Variants in C14orf39 observed in about 807,000 individuals in gnomAD.
C14orf39 encodes chromosome 14 open reading frame 39.
Under a neutral mutation model 85.6 loss-of-function variants are expected in C14orf39, and 66 were observed. The ratio of observed to expected loss-of-function variants is 0.77; its 90% CI spans 0.63 to 0.95. C14orf39 has a LOEUF of 0.95. Among genes scored for constraint, C14orf39 ranks in the 40% least tolerant of loss-of-function variants. The pLI, the probability that C14orf39 is intolerant of heterozygous loss-of-function variation, is 0.00. For missense variants in C14orf39, 735 were observed against 663.9 expected, an observed-to-expected ratio of 1.11 and a Z score of -1.18; for synonymous variants, 242 against 214.0, an observed-to-expected ratio of 1.13 and a Z score of -1.14.
chr14:60,447,399 C>T (rs1016378592), intron 16 of C14orf39, among the ~76,000 whole-genome samples: 1 of 152,070 alleles, frequency 6.6e-6, no homozygotes, highest in Non-Finnish European at 1.5e-5. Context: ...TCCTATACAC[C>T]AATAACAGAC....
rs374743728 is a variant in C14orf39, at chr14:60,484,306, TTAAAA to T, written c.107-494_107-490del. Among the ~76,000 whole-genome samples, 559 of 152,302 alleles carry T rather than the reference TTAAAA, an allele frequency of 3.7e-3. 4 individuals carry two copies. Among genetic ancestry groups the T allele is most frequent in the African/African-American group, 0.013 (538 of 41,596 alleles). ...AAATGGACATAATTTCTTAAAAAGA[TTAAAA>T]TAAATTCTTAATATTCTGTATTCTT... On this transcript the variant is annotated intron_variant, in intron 3 of 17. Coordinates refer to ENST00000321731, the MANE Select transcript of C14orf39 (RefSeq NM_174978.3). This position sits in a 1 kb window ranked among gnomAD's most constrained non-coding sequence, Gnocchi z 4.2.
At chr14:60,468,091 A>G (rs1483354005) in intron 9 of C14orf39, among the ~76,000 whole-genome samples, 1 of 151,692 alleles carries the variant, frequency 6.6e-6, no homozygotes, top group Non-Finnish European at 1.5e-5. Context: ...GGGTGATAAA[A>G]AAGTAAATAC....
chr14:60,479,985 T>A (rs1348547422), intron 4 of C14orf39, among the ~76,000 whole-genome samples: 1 of 152,142 alleles, frequency 6.6e-6, no homozygotes, highest in Non-Finnish European at 1.5e-5. Flanking sequence ...GGGCAAAGGA[T>A]CTGAATAGAC....
chr14:60,463,718 T>C (rs1282145852), intron 11 of C14orf39, among the ~76,000 whole-genome samples: 1 of 152,140 alleles, frequency 6.6e-6, no homozygotes, highest in African/African-American at 2.4e-5. Flanking sequence ...ACTTGTATTT[T>C]TTAAATCATG....
intron 13 of C14orf39, among the ~76,000 whole-genome samples, chr14:60,459,324 C>T (rs1247844695): frequency 1.3e-5 from 2 of 151,628 alleles, no homozygotes; most frequent in East Asian, 3.8e-4. Context: ...CATGTACAAC[C>T]AAAGATATTA....
chr14:60,460,995 A>G (rs1323372395), intron 13 of C14orf39, among the ~76,000 whole-genome samples: 2 of 151,972 alleles, frequency 1.3e-5, no homozygotes, highest in Non-Finnish European at 2.9e-5. Flanking sequence ...TTACTGACAT[A>G]GAGAAATAAC....
At chr14:60,479,387 T>C (rs926676790) in intron 4 of C14orf39, among the ~76,000 whole-genome samples, 1 of 152,124 alleles carries the variant, frequency 6.6e-6, no homozygotes, top group Non-Finnish European at 1.5e-5. Flanking sequence ...ATAGCAACAG[T>C]AGACACTGGA....
intron 10 of C14orf39, 88 bp downstream of exon 10, chr14:60,466,829 C>A: frequency 1.9e-6 from 2 of 1,075,118 alleles, no homozygotes; most frequent in South Asian, 5.0e-5. Context: ...TTTACTTACA[C>A]CAAATGATAA....
chr14:60,450,200 G>A (rs370985482), intron 16 of C14orf39, among the ~76,000 whole-genome samples: 2 of 152,178 alleles, frequency 1.3e-5, no homozygotes, highest in East Asian at 1.9e-4. Flanking sequence ...CAGCCACAGT[G>A]GAGTAGAACA....
At position 60,506,334 on chromosome 14, in the gene C14orf39, G is replaced by T. The variant is rs1007482938; in HGVS notation, c.-143-6904C>A. Among the ~76,000 whole-genome samples the T allele has an allele frequency of 4.6e-5, 7 of 151,984 alleles. 1 individual carries two copies. Among genetic ancestry groups the T allele is most frequent in the Non-Finnish European group, 1.0e-4 (7 of 67,960 alleles). Reference sequence around the variant, plus strand: ...AGGGTTGGCACAAAACCTCAAAACTGGTAAAAGAAAAAAATATATACCCTT... The same window carrying T: ...AGGGTTGGCACAAAACCTCAAAACTTGTAAAAGAAAAAAATATATACCCTT... On this transcript the variant is annotated intron_variant, in intron 1 of 5. Transcript: ENST00000556799.
intron 16 of C14orf39, among the ~76,000 whole-genome samples, chr14:60,447,253 T>A (rs1432543408): frequency 6.6e-6 from 1 of 152,282 alleles, no homozygotes; most frequent in African/African-American, 2.4e-5. Context: ...AAAGAGGAAG[T>A]CAAATTATCT....
chr14:60,505,492 G>C (rs763350498), intron 1 of C14orf39, among the ~76,000 whole-genome samples: 10 of 152,142 alleles, frequency 6.6e-5, no homozygotes, highest in Non-Finnish European at 1.5e-4. Flanking sequence ...TAGAAGTAGA[G>C]TTATAAAACT....
At chr14:60,458,982 G>C (rs1409783316) in intron 13 of C14orf39, among the ~76,000 whole-genome samples, 2 of 151,604 alleles carry the variant, frequency 1.3e-5, no homozygotes, top group African/African-American at 4.8e-5. Context: ...AACATCATGA[G>C]CACTCTAAAA....
intron 1 of C14orf39, among the ~76,000 whole-genome samples, chr14:60,503,200 G>C (rs1893166978): frequency 6.6e-6 from 1 of 152,086 alleles, no homozygotes; most frequent in African/African-American, 2.4e-5. Flanking sequence ...AGTAACACCA[G>C]ACTCCACCAG....
chr14:60,508,097 T>C (rs1893230281), intron 1 of C14orf39, among the ~76,000 whole-genome samples: 2 of 152,154 alleles, frequency 1.3e-5, no homozygotes, highest in African/African-American at 4.8e-5. Context: ...TAGGAAGTGC[T>C]TTCTGGGCCC....
At chr14:60,509,170 G>T (rs1326700625) in intron 1 of C14orf39, 1 of 564,292 alleles carries the variant, frequency 1.8e-6, no homozygotes, top group Non-Finnish European at 3.2e-6. Context: ...CTCGCCTGCC[G>T]GCGTGCCTGA....
intron 2 of C14orf39, among the ~76,000 whole-genome samples, chr14:60,492,988 GA>G (rs1378052833): frequency 6.6e-6 from 1 of 151,618 alleles, no homozygotes; most frequent in Non-Finnish European, 1.5e-5. Context: ...TTTATCTCTA[GA>G]AAAAAAACTC....
At chr14:60,497,867 A>C (rs542722383) in intron 2 of C14orf39, among the ~76,000 whole-genome samples, 2 of 152,200 alleles carry the variant, frequency 1.3e-5, no homozygotes, top group South Asian at 4.2e-4. Context: ...GGGCAACAAA[A>C]GTGAAACTCC....
chr14:60,496,705 T>C (rs1193283202), intron 2 of C14orf39: 1 of 152,652 alleles, frequency 6.6e-6, no homozygotes, highest in Non-Finnish European at 1.5e-5. Context: ...TGCTTTACCG[T>C]TGCTTCATTC....
Sources: gnomAD v4.1 joint callset for allele counts (sites outside exome capture counted in the v4.1 genomes callset) on GRCh38, gnomAD v4.1.1 for gene constraint, Gnocchi (gnomAD v3.1) non-coding constraint, MANE v1.5 for transcripts, NCBI Gene and HGNC (gene_info 2026-07-23, HGNC 2026-07-21) for gene names.